FNIP1: variants seen among roughly 807,000 people sequenced by gnomAD.
FNIP1 encodes folliculin-interacting protein 1.
A neutral mutation model predicts 124.5 loss-of-function variants in FNIP1; 40 were observed. The observed-to-expected ratio is 0.32, with a 90% CI of 0.25 to 0.42. The LOEUF is 0.42. Ranked by LOEUF, FNIP1 falls within the 10% of genes least tolerant of loss-of-function variation. FNIP1 has a pLI of 1.00. For synonymous variants in FNIP1, 472 were observed against 470.6 expected (o/e 1.00, Z -0.04); for missense variants, 1,176 against 1,403.7 (o/e 0.84, Z 2.59).
At chr5:131,774,875 T>A (rs1315358911) in intron 1 of FNIP1, among the ~76,000 whole-genome samples, 1 of 152,198 alleles carries the variant, frequency 6.6e-6, no homozygotes, top group Non-Finnish European at 1.5e-5. Context: ...GTCAGACATA[T>A]GATACCCATA....
intron 1 of FNIP1, among the ~76,000 whole-genome samples, chr5:131,766,108 CTTT>C (rs879730272): frequency 6.9e-6 from 1 of 145,070 alleles, no homozygotes. Flanking sequence ...ACTGCTTTTT[CTTT>C]TTTTTTTTTC....
chr5:131,796,858 C>A lies in FNIP1; in HGVS notation c.64G>T (p.Asp22Tyr). The change falls in exon 1 of 18, where the codon GAC (aspartate) becomes TAC (tyrosine). Residue 22 changes from aspartate (D) to tyrosine (Y), a missense_variant. Physicochemically the swap from Asp to Tyr is radical, Grantham distance 160. Around this residue, in one of 2 missense-constraint regions of FNIP1, gnomAD observed 1,109 missense variants for 1,288.5 expected, o/e 0.86. Transcript: ENST00000510461. The part of the protein sequence containing the change: ...KRTGLGAPGR[D>Y]ARDPDCGFSW... ...AACCCGCAATCTGGGTCCCGGGCGTCGCGGCCGGGCGCGCCCAGCCCGGTC... is the reference window on the plus strand; with the variant it reads ...AACCCGCAATCTGGGTCCCGGGCGTAGCGGCCGGGCGCGCCCAGCCCGGTC... The A allele has an allele frequency of 6.2e-7, 1 of 1,604,830 alleles. No homozygotes were observed. The highest frequency in any genetic ancestry group is 1.1e-5 in the South Asian group (1 of 89,760).
In FNIP1 at chr5:131,796,916, G is replaced by A. The variant is rs757558724; in HGVS notation, c.6C>T (p.Ala2=). The A allele has an allele frequency of 6.2e-7, 1 of 1,605,534 alleles. No homozygotes were observed. The highest frequency in any genetic ancestry group is 8.5e-7 in the Non-Finnish European group (1 of 1,176,806). The part of the protein sequence containing the change: M[A]PTLFQKLFSK... ...TGAAGAGCTTCTGGAACAGCGTAGG[G>A]GCCATGCTAGCCACGGCCAGGCAGG... is the stretch of plus-strand genomic sequence containing the variant. Residue 2 remains alanine, a synonymous_variant, in exon 1 of 18, where the codon GCC becomes GCT. Transcript: ENST00000510461.
At position 131,704,069 on chromosome 5, in the gene FNIP1, T is replaced by C; in HGVS notation, c.1112A>G (p.Glu371Gly). 6.2e-7 allele frequency: 1 copy of C among 1,602,870 alleles called. No individual in the cohort carries two copies. Among genetic ancestry groups the C allele is most frequent in the Non-Finnish European group, 8.5e-7 (1 of 1,171,240 alleles). ...SHMNKLKSAI[E>G]QAMKMSRRSA... ...TAAATAAATAACTATGCTTACCTGT[T>C]CTATTGCACTCTTTAATTTGTTCAT... is the stretch of plus-strand genomic sequence containing the variant. Residue 371 changes from glutamate (E) to glycine (G), a missense_variant, in exon 10 of 18, where the codon GAA (glutamate) becomes GGA (glycine). Physicochemically the swap from Glu to Gly is moderately conservative, Grantham distance 98 (BLOSUM62 -2). This residue lies in a region of FNIP1 where 1,109 missense variants were observed against 1,288.5 expected (regional missense o/e 0.86). Coordinates refer to ENST00000510461, the MANE Select transcript of FNIP1 (RefSeq NM_133372.3).
chr5:131,765,149 G>A (rs933204261), intron 1 of FNIP1, among the ~76,000 whole-genome samples: 2 of 152,090 alleles, frequency 1.3e-5, no homozygotes, highest in African/African-American at 4.8e-5. Flanking sequence ...TTGAGCCCAG[G>A]AGGTCCAGAT....
In FNIP1 at chr5:131,668,159, T is replaced by C. The variant is rs187926292; in HGVS notation, c.3108+2304A>G. ...ATTTCAACAAAAGCAGAATATATAT[T>C]CTTTTCAAGTGCCATAAAACAGTCT... On this transcript the variant is annotated intron_variant, in intron 15 of 17. Transcript: ENST00000510461. Among the ~76,000 whole-genome samples, 152 of 152,296 alleles carry C rather than the reference T, an allele frequency of 1.0e-3. 1 individual carries two copies. Among genetic ancestry groups the C allele is most frequent in the African/African-American group, 3.5e-3 (145 of 41,560 alleles).
intron 1 of FNIP1, among the ~76,000 whole-genome samples, chr5:131,766,962 C>T (rs1372964236): frequency 1.3e-5 from 2 of 152,070 alleles, no homozygotes; most frequent in Non-Finnish European, 2.9e-5. Context: ...TCCACAGACT[C>T]CCACACCAAA....
At chr5:131,657,120 C>CAA (rs889835267) in intron 15 of FNIP1, among the ~76,000 whole-genome samples, 1 of 147,500 alleles carries the variant, frequency 6.8e-6, no homozygotes, top group African/African-American at 2.5e-5. Flanking sequence ...TCTCCTGACT[C>CAA]AGACTCTCAA....
intron 6 of FNIP1, among the ~76,000 whole-genome samples, chr5:131,715,284 G>A (rs532242083): frequency 8.5e-5 from 13 of 152,256 alleles, no homozygotes; most frequent in Middle Eastern, 3.4e-3. Flanking sequence ...TCAGGAGTTC[G>A]AGAACAGCCT....
chr5:131,689,912 G>T (rs945280908), intron 11 of FNIP1, among the ~76,000 whole-genome samples: 1 of 152,128 alleles, frequency 6.6e-6, no homozygotes, highest in African/African-American at 2.4e-5. Flanking sequence ...TATAAAGTCA[G>T]AGATAGATTA....
In FNIP1 at chr5:131,716,617, A is replaced by C; in HGVS notation, c.570T>G (p.Asn190Lys). Residue 190 changes from asparagine (N) to lysine (K), a missense_variant, in exon 6 of 18, where the codon AAT becomes AAG. Coordinates refer to ENST00000510461, the MANE Select transcript of FNIP1 (RefSeq NM_133372.3). Reference sequence around the variant, plus strand: ...CTGTGTTATTATCAGCCTTTAATGTATTGTTGTCCTGATTGATGAATTCAA... The same window carrying C: ...CTGTGTTATTATCAGCCTTTAATGTCTTGTTGTCCTGATTGATGAATTCAA... ...DSLEFINQDN[N>K]TLKADNNTVI... The C allele has an allele frequency of 6.2e-7, 1 of 1,606,238 alleles. No individual in the cohort carries two copies. Among genetic ancestry groups the C allele is most frequent in the Non-Finnish European group, 8.5e-7 (1 of 1,176,664 alleles).
intron 3 of FNIP1, among the ~76,000 whole-genome samples, chr5:131,724,663 G>A (rs541337019): frequency 1.3e-5 from 2 of 152,208 alleles, no homozygotes; most frequent in South Asian, 2.1e-4. Flanking sequence ...GTTGCCTGTT[G>A]ACTCTGATGA....
At chr5:131,663,572 T>C (rs760604206) in intron 15 of FNIP1, among the ~76,000 whole-genome samples, 1 of 152,250 alleles carries the variant, frequency 6.6e-6, no homozygotes, top group South Asian at 2.1e-4. Flanking sequence ...TCAAAGTTTA[T>C]ATATTTAGTC....
intron 6 of FNIP1, among the ~76,000 whole-genome samples, chr5:131,712,168 TA>T (rs1007126153): frequency 8.6e-5 from 13 of 151,998 alleles, no homozygotes; most frequent in African/African-American, 2.4e-4. Context: ...AGTGACTTAT[TA>T]AAAAATCCTA....
chr5:131,763,966 T>C (rs901975730), intron 1 of FNIP1, among the ~76,000 whole-genome samples: 1 of 151,930 alleles, frequency 6.6e-6, no homozygotes, highest in Non-Finnish European at 1.5e-5. Context: ...TGGAGGGAGG[T>C]GACTGGATGA....
At chr5:131,669,504 T>C (rs979910396) in intron 15 of FNIP1, among the ~76,000 whole-genome samples, 8 of 152,124 alleles carry the variant, frequency 5.3e-5, no homozygotes, top group Non-Finnish European at 1.2e-4. Context: ...TTCCTAGGAA[T>C]ACAATGGTTG....
chr5:131,706,461 A>T lies in FNIP1; in HGVS notation c.864T>A (p.Arg288=), dbSNP rs762215239. ...AACTTGTTGTTTGGCTGCGTCGCCA[A>T]CGTCGCTGGTAGCTGCTGGCACAAC... The part of the protein sequence containing the change: ...TRSCASSYQR[R]WRRSQTTSLE... The change falls in exon 9 of 18, where the codon CGT becomes CGA. Residue 288 remains arginine (R), a synonymous_variant. Transcript: ENST00000510461. 3 of 1,613,408 alleles carry T rather than the reference A, an allele frequency of 1.9e-6. No homozygotes were observed. The highest frequency in any genetic ancestry group is 2.5e-6 in the Non-Finnish European group (3 of 1,179,654).
rs1766764428 is a variant in FNIP1, at chr5:131,643,072, AG to A, written c.*1612del. 1 of 152,322 alleles carries A rather than the reference AG, an allele frequency of 6.6e-6. No homozygotes were observed. 9.4% of individuals were successfully genotyped at this position (152,322 alleles called of 1,614,324 possible). On this transcript the variant is annotated 3_prime_UTR_variant, in exon 18 of 18. Transcript: ENST00000510461. ...GCAGCAAGTCATCCATGGGAGACTC[AG>A]GTAATAACTGGGACTAGGTAAAAGG...
In FNIP1 at chr5:131,672,594, A is replaced by G. The variant is rs748318179; in HGVS notation, c.1850T>C (p.Leu617Pro). 1.9e-6 allele frequency: 3 copies of G among 1,614,152 alleles called. No individual in the cohort carries two copies. The South Asian group carries it at 3.3e-5, about 18-fold the overall frequency. Residue 617 changes from leucine to proline, a missense_variant, in exon 14 of 18, where the codon CTC becomes CCC. Around this residue, in one of 2 missense-constraint regions of FNIP1, gnomAD observed 1,109 missense variants for 1,288.5 expected, o/e 0.86. Transcript: ENST00000510461. ...AATGTTCTCTACATTTTGCCCAAGGAGTGGATGACTGCAATATTTACAGTT... is the reference window on the plus strand; with the variant it reads ...AATGTTCTCTACATTTTGCCCAAGGGGTGGATGACTGCAATATTTACAGTT... ...NCNCKYCSHPLLGQNVENISQ... is the reference protein window; with the variant it reads ...NCNCKYCSHPPLGQNVENISQ...
Sources: gnomAD v4.1 joint callset for allele counts (sites outside exome capture counted in the v4.1 genomes callset) on GRCh38, gnomAD v4.1.1 for gene constraint, gnomAD v4.1.1 regional missense constraint, MANE v1.5 for transcripts, NCBI Gene and HGNC (gene_info 2026-07-23, HGNC 2026-07-21) for gene names.